The following PRELID2 variants were observed in gnomAD, a reference collection of about 807,000 sequenced individuals.
PRELID2 encodes PRELI domain containing 2, also known as PRELI domain-containing protein 2.
A neutral mutation model predicts 28.4 loss-of-function variants in PRELID2; 25 were observed. The ratio of observed to expected loss-of-function variants is 0.88; its 90% CI spans 0.64 to 1.23. The LOEUF is 1.23. PRELID2 is among the 50% of genes most tolerant of loss of function. PRELID2 has a pLI of 0.00. For synonymous variants in PRELID2, 76 were observed against 71.6 expected (o/e 1.06, Z -0.31); for missense variants, 201 against 214.4 (o/e 0.94, Z 0.39).
the PRELID2 span, among the ~76,000 whole-genome samples, chr5:145,372,462 T>C: frequency 6.6e-6 from 1 of 152,080 alleles, no homozygotes. Context: ...AATCTCCCAT[T>C]ATTTTTGTGT....
At position 145,756,940 on chromosome 5, in the gene PRELID2, T is replaced by C. The variant is rs897034637; in HGVS notation, c.*3596A>G. ...GCAAATGTATCTGGAGCCTTCAGTG[T>C]AGGGACTTTAACAAAACTAAGTAGG... On this transcript the variant is annotated 3_prime_UTR_variant, in exon 7 of 7. Transcript: ENST00000683046. 3.3e-5 allele frequency among the ~76,000 whole-genome samples: 5 copies of C among 152,174 alleles called. No homozygotes were observed. The highest frequency in any genetic ancestry group is 1.2e-4 in the African/African-American group (5 of 41,446).
chr5:145,750,087 A>C (rs1042599986), intron 1 of PRELID2, among the ~76,000 whole-genome samples: 2 of 151,230 alleles, frequency 1.3e-5, no homozygotes, highest in African/African-American at 4.9e-5. Flanking sequence ...AGAACTTAAA[A>C]AATTAAATTA....
At chr5:145,356,348 T>C in the PRELID2 span, among the ~76,000 whole-genome samples, 1 of 151,934 alleles carries the variant, frequency 6.6e-6, no homozygotes, top group African/African-American at 2.4e-5. Context: ...ATATAAATAA[T>C]AATCATAAGT....
chr5:145,414,369 C>T, the PRELID2 span, among the ~76,000 whole-genome samples: 1 of 152,182 alleles, frequency 6.6e-6, no homozygotes, highest in Non-Finnish European at 1.5e-5. Context: ...ATAACCACCA[C>T]AACGAAAGTA....
chr5:145,434,412 C>G, the PRELID2 span, among the ~76,000 whole-genome samples: 28 of 152,300 alleles, frequency 1.8e-4, no homozygotes, highest in South Asian at 2.7e-3. Flanking sequence ...AACTGGATAA[C>G]TGTATCATTT....
intron 1 of PRELID2, among the ~76,000 whole-genome samples, chr5:145,824,754 G>A (rs1049548941): frequency 2.0e-5 from 3 of 152,168 alleles, no homozygotes; most frequent in Admixed American, 6.5e-5. Flanking sequence ...ACCAATCTAT[G>A]AAGAGAGCAG....
At chr5:145,681,564 T>C (rs956978031) in intron 1 of PRELID2, among the ~76,000 whole-genome samples, 1 of 152,244 alleles carries the variant, frequency 6.6e-6, no homozygotes, top group African/African-American at 2.4e-5. Context: ...AAAATAGTGA[T>C]AATATTCCTT....
chr5:145,311,146 T>G, the PRELID2 span, among the ~76,000 whole-genome samples: 1 of 152,036 alleles, frequency 6.6e-6, no homozygotes, highest in Admixed American at 6.6e-5. Flanking sequence ...ATATAAAGAG[T>G]GTTAACAGGG....
At chr5:145,819,141 T>C (rs927586347) in intron 3 of PRELID2, among the ~76,000 whole-genome samples, 4 of 152,150 alleles carry the variant, frequency 2.6e-5, no homozygotes, top group African/African-American at 4.8e-5. Context: ...GAACTGTGAG[T>C]CCATTAAAAC....
At chr5:145,567,322 A>G (rs1752975231) in intron 1 of PRELID2, among the ~76,000 whole-genome samples, 1 of 146,270 alleles carries the variant, frequency 6.8e-6, no homozygotes, top group Admixed American at 6.7e-5. Context: ...TTCCCATGAC[A>G]GTGAGTTATC....
chr5:145,613,806 A>G (rs1201731801), intron 1 of PRELID2, among the ~76,000 whole-genome samples: 1 of 152,136 alleles, frequency 6.6e-6, no homozygotes, highest in Non-Finnish European at 1.5e-5. Context: ...TTTGCTGTGC[A>G]AAAGCTCTTC....
At chr5:145,362,908 T>G in the PRELID2 span, among the ~76,000 whole-genome samples, 3 of 151,926 alleles carry the variant, frequency 2.0e-5, no homozygotes, top group African/African-American at 7.2e-5. Flanking sequence ...TAAGTTAAAT[T>G]TATTCATATC....
chr5:145,650,769 C>T (rs1436410352), intron 1 of PRELID2, among the ~76,000 whole-genome samples: 1 of 151,810 alleles, frequency 6.6e-6, no homozygotes, highest in Non-Finnish European at 1.5e-5. Flanking sequence ...ATGAAAATGA[C>T]ACAGACTTGG....
intron 1 of PRELID2, among the ~76,000 whole-genome samples, chr5:145,672,567 G>A (rs74464998): frequency 0.032 from 4,756 of 150,958 alleles, 143 homozygotes; most frequent in African/African-American, 0.076. Flanking sequence ...GCCACCTTCT[G>A]TCTCTCTCAT....
chr5:145,547,085 G>A (rs1752794200), intron 1 of PRELID2, among the ~76,000 whole-genome samples: 2 of 152,174 alleles, frequency 1.3e-5, no homozygotes, highest in Admixed American at 1.3e-4. Context: ...CCTCAAGAAG[G>A]AGACTTCTTC....
intron 1 of PRELID2, among the ~76,000 whole-genome samples, chr5:145,533,337 T>C (rs189905390): frequency 7.9e-5 from 12 of 152,150 alleles, no homozygotes; most frequent in African/African-American, 2.9e-4. Context: ...GGAGACTTTA[T>C]ACCGTACATT....
intron 1 of PRELID2, among the ~76,000 whole-genome samples, chr5:145,737,034 A>G (rs1439762672): frequency 1.2e-4 from 18 of 152,076 alleles, no homozygotes; most frequent in Non-Finnish European, 1.3e-4. Flanking sequence ...AGAGAATTGA[A>G]AGAGGATACA....
chr5:145,257,045 G>T, the PRELID2 span, among the ~76,000 whole-genome samples: 147,492 of 151,904 alleles, frequency 0.97, 71,626 homozygotes, highest in African/African-American at 0.99. Flanking sequence ...CAGAAAGAAA[G>T]AAAAAAATTC....
chr5:145,788,949 C>T (rs957226085), intron 5 of PRELID2, among the ~76,000 whole-genome samples: 6 of 151,936 alleles, frequency 3.9e-5, no homozygotes, highest in Admixed American at 2.0e-4. Context: ...ATTTAACCAA[C>T]GCAGTAAAAG....
Sources: gnomAD v4.1 joint callset for allele counts (sites outside exome capture counted in the v4.1 genomes callset) on GRCh38, gnomAD v4.1.1 for gene constraint, MANE v1.5 for transcripts, NCBI Gene and HGNC (gene_info 2026-07-23, HGNC 2026-07-21) for gene names.